The following GGT5 variants were observed in gnomAD, a reference collection of about 807,000 sequenced individuals.
GGT5 encodes gamma-glutamyltransferase 5.
In GGT5, 50 loss-of-function variants were observed where a neutral mutation model predicts 58.1. That is an observed-to-expected ratio of 0.86 (90% CI 0.69 to 1.09). The LOEUF (loss-of-function observed/expected upper bound fraction) is 1.09, where lower values mean the gene tolerates loss of function less well. Ranked by LOEUF, GGT5 falls within the 50% of genes least tolerant of loss-of-function variation. The probability of loss-of-function intolerance (pLI) is 0.00; values close to 1 mark genes in which losing one functional copy is unlikely to be tolerated. For missense variants in GGT5, 800 were observed against 789.4 expected (o/e 1.01, Z -0.16); for synonymous variants, 370 against 346.1 (o/e 1.07, Z -0.77).
Position 24,233,803 on chromosome 22 carries a change from G to C in GGT5, c.304+71C>G, listed in dbSNP as rs2048021482. ...GAAACGGGCTTGAGTTGATGGGACTGGCTGGAGAAGGGGTTACGCAGTGGT... is the reference window on the plus strand; with the variant it reads ...GAAACGGGCTTGAGTTGATGGGACTCGCTGGAGAAGGGGTTACGCAGTGGT... On this transcript the variant is annotated intron_variant, in intron 2 of 11. Transcript: ENST00000327365. 5 of 1,445,010 alleles carry C rather than the reference G, an allele frequency of 3.5e-6. No homozygotes were observed. The Admixed American group carries it at 6.9e-5, about 20-fold the overall frequency. The allele number at this position is 1,445,010 out of a possible 1,614,324, so 89.5% of individuals were successfully genotyped here.
chr22:24,226,017 G>T (rs1310242312), intron 8 of GGT5, 59 bp downstream of exon 8: 6 of 1,205,068 alleles, frequency 5.0e-6, no homozygotes, highest in Non-Finnish European at 5.8e-6. Context: ...GGGGCTGGGG[G>T]TGTGCAGGTC....
At chr22:24,226,458 C>A (rs2047768498) in intron 7 of GGT5, among the ~76,000 whole-genome samples, 173 bp downstream of exon 7, 2 of 152,210 alleles carry the variant, frequency 1.3e-5, no homozygotes, top group African/African-American at 4.8e-5. Context: ...GGTGCCACTC[C>A]TGCACCTGAC....
chr22:24,230,139 G>A (rs1163597127), intron 6 of GGT5, among the ~76,000 whole-genome samples: 1 of 151,734 alleles, frequency 6.6e-6, no homozygotes, highest in African/African-American at 2.4e-5. Context: ...ATGCCGAGGT[G>A]GGCGGATCAC....
intron 2 of GGT5, 75 bp from the exon 3 acceptor site, chr22:24,233,668 C>T (rs1380160996): frequency 5.4e-6 from 5 of 924,028 alleles, no homozygotes; most frequent in Non-Finnish European, 8.2e-6. Flanking sequence ...CCTCAGTTTC[C>T]ATCTCTGCAT....
rs1569358899 is a variant in GGT5, at chr22:24,228,068, AAAAC to A, written c.902-1305_902-1302del. ...TGTCTCAAAAAAAAAAAAAAAAAAC[AAAAC>A]AAAAAAAAAAAAACTCTGAAAAATA... On this transcript the variant is annotated intron_variant, in intron 6 of 11. Transcript: ENST00000327365. 7.1e-4 allele frequency among the ~76,000 whole-genome samples: 52 copies of A among 73,590 alleles called. 4 individuals are homozygous for A. Among genetic ancestry groups the A allele is most frequent in the South Asian group, 1.1e-3 (3 of 2,760 alleles). The allele number at this position is 73,590 out of a possible 152,430, so 48.3% of individuals were successfully genotyped here.
chr22:24,220,927 AT>A (rs2047571871), intron 11 of GGT5, among the ~76,000 whole-genome samples: 1 of 152,048 alleles, frequency 6.6e-6, no homozygotes, highest in African/African-American at 2.4e-5. Flanking sequence ...CCCTGTGCTT[AT>A]AGTCCCAGCT....
intron 1 of GGT5, 155 bp downstream of exon 1, chr22:24,244,398 T>G: frequency 1.5e-6 from 1 of 679,410 alleles, no homozygotes; most frequent in East Asian, 2.6e-5. Flanking sequence ...TCACATACAC[T>G]CACACACACC....
intron 11 of GGT5, among the ~76,000 whole-genome samples, chr22:24,221,602 C>G (rs117527642): frequency 0.017 from 2,631 of 152,346 alleles, 34 homozygotes; most frequent in Non-Finnish European, 0.026. Context: ...AACTTCCCCT[C>G]CCAGGTTCAA....
At chr22:24,221,533 G>A (rs1431972330) in intron 11 of GGT5, among the ~76,000 whole-genome samples, 1 of 152,216 alleles carries the variant, frequency 6.6e-6, no homozygotes, top group Non-Finnish European at 1.5e-5. Context: ...CTGTTTCTGA[G>A]ATGGAGTCCC....
At position 24,226,695 on chromosome 22, in the gene GGT5, G is replaced by A. The variant is rs146114235; in HGVS notation, c.974C>T (p.Thr325Met). The change falls in exon 7 of 12, where the codon ACG becomes ATG. Residue 325 changes from threonine (T) to methionine (M), a missense_variant. By Grantham distance (81) the Thr-to-Met change is moderately conservative. Coordinates refer to ENST00000327365, the MANE Select transcript of GGT5 (RefSeq NM_004121.5). Reference protein sequence around the residue: ...RVNVYHHLVETLKFAKGQRWR... With the variant: ...RVNVYHHLVEMLKFAKGQRWR... ...CCTCTGCCCCTTGGCAAACTTGAGCGTCTCTACAAGGTGGTGGTACACGTT... is the reference window on the plus strand; with the variant it reads ...CCTCTGCCCCTTGGCAAACTTGAGCATCTCTACAAGGTGGTGGTACACGTT... The A allele has an allele frequency of 5.5e-5, 88 of 1,613,580 alleles. No individual in the cohort carries two copies. Among genetic ancestry groups the A allele is most frequent in the African/African-American group, 1.6e-4 (12 of 74,904 alleles).
Position 24,232,811 on chromosome 22 carries a change from T to C in GGT5, c.596+12A>G, listed in dbSNP as rs369167891. 1.2e-4 allele frequency: 173 copies of C among 1,487,416 alleles called. 1 individual carries two copies. Among genetic ancestry groups the C allele is most frequent in the Middle Eastern group, 9.1e-4 (5 of 5,508 alleles). 92.1% of individuals were successfully genotyped at this position (1,487,416 alleles called of 1,614,324 possible). On this transcript the variant is annotated intron_variant, in intron 4 of 11. Coordinates refer to ENST00000327365, the MANE Select transcript of GGT5 (RefSeq NM_004121.5). Reference sequence around the variant, plus strand: ...TGAACCCAGGAACCCAGGGCCACCATGTGGGGCTCACCGCAGGGTTGACGC... The same window carrying C: ...TGAACCCAGGAACCCAGGGCCACCACGTGGGGCTCACCGCAGGGTTGACGC...
chr22:24,239,715 A>G (rs2048277888), intron 1 of GGT5, among the ~76,000 whole-genome samples: 1 of 152,162 alleles, frequency 6.6e-6, no homozygotes, highest in South Asian at 2.1e-4. Flanking sequence ...CAAAAATATT[A>G]GCATATAAGT....
intron 6 of GGT5, among the ~76,000 whole-genome samples, chr22:24,228,090 G>GAAAAAAAAA (rs2047831658): frequency 8.1e-6 from 1 of 124,142 alleles, no homozygotes; most frequent in Non-Finnish European, 1.8e-5. Context: ...AAAAAACTCT[G>GAAAAAAAAA]AAAAATAGAG....
chr22:24,236,462 T>A (rs1281349228), intron 1 of GGT5, among the ~76,000 whole-genome samples: 2 of 152,038 alleles, frequency 1.3e-5, no homozygotes, highest in South Asian at 2.1e-4. Context: ...CCCTTACATT[T>A]TAAAAAAATA....
chr22:24,236,684 A>G (rs921187916), intron 1 of GGT5, among the ~76,000 whole-genome samples: 11 of 150,970 alleles, frequency 7.3e-5, no homozygotes, highest in Non-Finnish European at 1.5e-4. Context: ...AATGGTGTGA[A>G]CCTGGAAGTC....
chr22:24,233,444 G>A, intron 3 of GGT5, 54 bp downstream of exon 3: 1 of 1,013,576 alleles, frequency 9.9e-7, no homozygotes, highest in Non-Finnish European at 1.5e-6. Flanking sequence ...GGGGTGTTCT[G>A]ATTAGTCCTA....
chr22:24,244,967 GGACA>G lies in GGT5; in HGVS notation c.-246_-243del, dbSNP rs1452282082. 3.2e-6 allele frequency: 2 copies of G among 620,066 alleles called. No homozygotes were observed. Among genetic ancestry groups the G allele is most frequent in the Non-Finnish European group, 5.4e-6 (2 of 371,142 alleles). The allele number at this position is 620,066 out of a possible 1,614,324, so 38.4% of individuals were successfully genotyped here. On this transcript the variant is annotated 5_prime_UTR_variant, in exon 1 of 12. Transcript: ENST00000327365. ...GACAGAGATGGGCTTACAGATGGGCGGACAGACAGACAGGTCTGAACAGCGGGCT... is the reference window on the plus strand; with the variant it reads ...GACAGAGATGGGCTTACAGATGGGCGGACAGACAGGTCTGAACAGCGGGCT...
At chr22:24,223,007 G>A (rs531511357) in intron 11 of GGT5, among the ~76,000 whole-genome samples, 3 of 152,120 alleles carry the variant, frequency 2.0e-5, no homozygotes, top group East Asian at 1.9e-4. Flanking sequence ...GGGGAATGGC[G>A]TGAACTCGGG....
Position 24,225,643 on chromosome 22 carries a change from C to T in GGT5, c.1239G>A (p.Ala413=), listed in dbSNP as rs1457266744. The T allele has an allele frequency of 9.3e-6, 15 of 1,606,854 alleles. No homozygotes were observed. Among genetic ancestry groups the T allele is most frequent in the African/African-American group, 4.0e-5 (3 of 74,790 alleles). ...ATSTINTPFG[A]MVYSPRTGII... ...TGCCTGTCCGTGGTGAATACACCAT[C>T]GCTCCAAAGCTGCAGCCGTGGAGGC... is the stretch of plus-strand genomic sequence containing the variant. Residue 413 remains alanine (A), a synonymous_variant, in exon 9 of 12, where the codon GCG becomes GCA. Transcript: ENST00000327365.
Sources: allele counts gnomAD v4.1 joint callset (sites outside exome capture counted in the v4.1 genomes callset), GRCh38; gene constraint gnomAD v4.1.1; transcripts MANE v1.5; gene names NCBI Gene and HGNC (gene_info 2026-07-23, HGNC 2026-07-21).